The following MYH15 variants were observed in gnomAD, a reference collection of about 807,000 sequenced individuals.
The protein encoded by MYH15 is myosin-15.
Under a neutral mutation model 240.5 loss-of-function variants are expected in MYH15, and 227 were observed. The observed-to-expected ratio is 0.94, with a 90% CI of 0.85 to 1.05. MYH15 has a LOEUF of 1.05. Ranked by LOEUF, MYH15 falls within the 50% of genes least tolerant of loss-of-function variation. The pLI, the probability that MYH15 is intolerant of heterozygous loss-of-function variation, is 0.00. For missense variants in MYH15, 2,217 were observed against 2,247.5 expected (o/e 0.99, Z 0.27); for synonymous variants, 785 against 796.7 (o/e 0.99, Z 0.25).
the MYH15 span, among the ~76,000 whole-genome samples, chr3:108,535,391 CAT>C: frequency 6.6e-6 from 1 of 152,108 alleles, no homozygotes; most frequent in Non-Finnish European, 1.5e-5. Context: ...ACTGTGTCCT[CAT>C]GTGGTGGGGG....
At chr3:108,537,849 T>C in the MYH15 span, among the ~76,000 whole-genome samples, 37 of 152,274 alleles carry the variant, frequency 2.4e-4, no homozygotes, top group African/African-American at 8.4e-4. Flanking sequence ...AAATAATACA[T>C]AGCCCACTTC....
At chr3:108,453,177 G>C (rs1002251579) in intron 21 of MYH15, among the ~76,000 whole-genome samples, 1 of 152,036 alleles carries the variant, frequency 6.6e-6, no homozygotes, top group African/African-American at 2.4e-5. Context: ...TTACACAACT[G>C]GTCCTAGAAG....
chr3:108,463,635 G>A (rs1026352916), intron 15 of MYH15, among the ~76,000 whole-genome samples: 7 of 152,014 alleles, frequency 4.6e-5, no homozygotes, highest in African/African-American at 1.5e-4. Context: ...CCCAGCCTTT[G>A]CATTACTTTT....
chr3:108,454,745 TAACA>T (rs1454844314), intron 20 of MYH15, among the ~76,000 whole-genome samples: 16 of 152,288 alleles, frequency 1.1e-4, no homozygotes, highest in African/African-American at 3.6e-4. Flanking sequence ...GAATGATTAC[TAACA>T]AACAAGGTGA....
chr3:108,503,478 T>A (rs2083452981), intron 2 of MYH15, among the ~76,000 whole-genome samples: 2 of 151,972 alleles, frequency 1.3e-5, no homozygotes, highest in Admixed American at 1.3e-4. Flanking sequence ...TAGCCCAATT[T>A]AAAAAAATGG....
At chr3:108,384,876 T>C in intron 38 of MYH15, 94 bp from the exon 39 acceptor site, 2 of 1,047,412 alleles carry the variant, frequency 1.9e-6, no homozygotes, top group South Asian at 1.4e-5. Context: ...ATCAGGGAAC[T>C]TTATTAAACA....
At chr3:108,532,852 T>G (rs958703538), upstream of MYH15, among the ~76,000 whole-genome samples, 2 of 152,188 alleles carry the variant, frequency 1.3e-5, no homozygotes, top group African/African-American at 4.8e-5. Context: ...ATCTGGATGA[T>G]GAACTCATCA....
chr3:108,399,035 T>C (rs559371451), intron 34 of MYH15, 40 bp downstream of exon 34: 2 of 1,585,854 alleles, frequency 1.3e-6, no homozygotes, highest in East Asian at 4.5e-5. Flanking sequence ...GCAGAAACAT[T>C]TTCCACCCCT....
Position 108,437,762 on chromosome 3 carries a change from T to C in MYH15, c.3076-63A>G, listed in dbSNP as rs113090620. 3.8e-4 allele frequency: 565 copies of C among 1,477,846 alleles called. 6 individuals are homozygous for C. The African/African-American group carries it at 7.4e-3, about 19-fold the overall frequency. The allele number at this position is 1,477,846 out of a possible 1,614,324, so 91.5% of individuals were successfully genotyped here. ...TAGAGTTTATACTTCACTAGATGTG[T>C]TCATTAACCACTTACCTTCTGGAAA... is the stretch of plus-strand genomic sequence containing the variant. On this transcript the variant is annotated intron_variant, in intron 24 of 40. Transcript: ENST00000693548.
chr3:108,494,178 T>G (rs891308320), intron 7 of MYH15, among the ~76,000 whole-genome samples: 9 of 152,140 alleles, frequency 5.9e-5, no homozygotes, highest in African/African-American at 1.7e-4. Flanking sequence ...AGTGGCTCTG[T>G]ACAGGGGGAT....
chr3:108,468,416 G>T (rs2083140551), intron 14 of MYH15, among the ~76,000 whole-genome samples: 1 of 152,134 alleles, frequency 6.6e-6, no homozygotes, highest in Admixed American at 6.5e-5. Context: ...ATCCCATTAT[G>T]CATTTTATTT....
chr3:108,396,981 A>G (rs961864521), intron 35 of MYH15, among the ~76,000 whole-genome samples: 4 of 152,162 alleles, frequency 2.6e-5, no homozygotes, highest in African/African-American at 9.7e-5. Flanking sequence ...CTACTCACTA[A>G]ATGCCAGTGG....
At chr3:108,479,523 G>C (rs1437770838) in intron 11 of MYH15, among the ~76,000 whole-genome samples, 2 of 152,146 alleles carry the variant, frequency 1.3e-5, no homozygotes, top group East Asian at 3.8e-4. Context: ...CTGCACACTG[G>C]GGTCCCTGGC....
intron 27 of MYH15, among the ~76,000 whole-genome samples, chr3:108,428,133 C>T (rs1236217658): frequency 6.6e-6 from 1 of 152,152 alleles, no homozygotes; most frequent in Non-Finnish European, 1.5e-5. Flanking sequence ...TAGGAGTATC[C>T]AGGCCATCAC....
Position 108,471,101 on chromosome 3 carries a change from G to C in MYH15, c.1234-254C>G, listed in dbSNP as rs114227572. Among the ~76,000 whole-genome samples the C allele has an allele frequency of 2.3e-3, 266 of 114,000 alleles. 4 individuals carry two copies. The highest frequency in any genetic ancestry group is 8.1e-3 in the African/African-American group (247 of 30,680). 74.8% of individuals were successfully genotyped at this position (114,000 alleles called of 152,430 possible). On this transcript the variant is annotated intron_variant, in intron 12 of 40. Coordinates refer to ENST00000693548, the MANE Select transcript of MYH15 (RefSeq NM_014981.3). Reference sequence around the variant, plus strand: ...GAAGGAAGGAAGGAAAGAAGGGAGGGAGGGAGGGGGAAAATGAAGGGGAGA... The same window carrying C: ...GAAGGAAGGAAGGAAAGAAGGGAGGCAGGGAGGGGGAAAATGAAGGGGAGA...
intron 3 of MYH15, among the ~76,000 whole-genome samples, chr3:108,501,374 C>T (rs1027036269): frequency 1.3e-5 from 2 of 152,182 alleles, no homozygotes; most frequent in African/African-American, 4.8e-5. Context: ...ATCCCCCAAG[C>T]TCCCATGGAA....
chr3:108,499,811 C>G (rs187001044), intron 4 of MYH15, among the ~76,000 whole-genome samples: 15 of 152,246 alleles, frequency 9.9e-5, no homozygotes, highest in Admixed American at 2.0e-4. Context: ...CTTCTTTGTG[C>G]CAGACAATAT....
intron 16 of MYH15, among the ~76,000 whole-genome samples, chr3:108,462,113 G>A (rs963043558): frequency 2.0e-5 from 3 of 152,094 alleles, no homozygotes; most frequent in African/African-American, 7.2e-5. Context: ...AACAAAACGT[G>A]TTTGAAGGCC....
At chr3:108,470,897 T>C in intron 12 of MYH15, 50 bp from the exon 13 acceptor site, 1 of 1,592,488 alleles carries the variant, frequency 6.3e-7, no homozygotes, top group South Asian at 1.1e-5. Context: ...GTGTTCATTT[T>C]AATCCCGGGC....
Sources: allele counts gnomAD v4.1 joint callset (sites outside exome capture counted in the v4.1 genomes callset), GRCh38; gene constraint gnomAD v4.1.1; transcripts MANE v1.5; gene names NCBI Gene and HGNC (gene_info 2026-07-23, HGNC 2026-07-21).